Variants in EPB41L3 observed in about 807,000 individuals in gnomAD.
EPB41L3 encodes the protein erythrocyte membrane protein band 4.1 like 3.
A neutral mutation model predicts 127.1 loss-of-function variants in EPB41L3; 57 were observed. The observed-to-expected ratio is 0.45, with a 90% CI of 0.36 to 0.56. The LOEUF is 0.56. Ranked by LOEUF, EPB41L3 falls within the 20% of genes least tolerant of loss-of-function variation. The pLI, the probability that EPB41L3 is intolerant of heterozygous loss-of-function variation, is 0.00. For synonymous variants in EPB41L3, 572 were observed against 549.5 expected (o/e 1.04, Z -0.57); for missense variants, 1,273 against 1,372.2 (o/e 0.93, Z 1.14).
At chr18:5,407,670 G>T (rs1305393075) in intron 15 of EPB41L3, 31 bp downstream of exon 15, 1 of 1,610,666 alleles carries the variant, frequency 6.2e-7, no homozygotes, top group East Asian at 2.2e-5. Context: ...TTTTGTTGTT[G>T]TTGTTGTTTG....
chr18:5,436,519 C>T (rs2079850017), intron 6 of EPB41L3, among the ~76,000 whole-genome samples: 1 of 151,268 alleles, frequency 6.6e-6, no homozygotes, highest in South Asian at 2.1e-4. Flanking sequence ...CGCCATTCTC[C>T]TGCCTCAGCC....
chr18:5,550,668 C>T (rs1238772549), intron 3 of EPB41L3, among the ~76,000 whole-genome samples: 1 of 152,122 alleles, frequency 6.6e-6, no homozygotes, highest in African/African-American at 2.4e-5. Flanking sequence ...CCCCAGAAGG[C>T]TTCTTCTATC....
At position 5,433,575 on chromosome 18, in the gene EPB41L3, T is replaced by A. The variant is rs373632284; in HGVS notation, c.825-19A>T. The A allele has an allele frequency of 6.3e-7, 1 of 1,596,954 alleles. No individual in the cohort carries two copies. Among genetic ancestry groups the A allele is most frequent in the Non-Finnish European group, 8.6e-7 (1 of 1,169,186 alleles). ...CATTCCTCTGATGAGAAGAAAAATA[T>A]GTTACAATGATGCTTTTCCCTTCCC... On this transcript the variant is annotated intron_variant, in intron 7 of 22. Transcript: ENST00000341928.
At chr18:5,516,685 A>G (rs2092764169) in intron 1 of EPB41L3, among the ~76,000 whole-genome samples, 1 of 152,212 alleles carries the variant, frequency 6.6e-6, no homozygotes, top group Non-Finnish European at 1.5e-5. Context: ...AAAATAATTA[A>G]CAAGACAGAC....
At chr18:5,458,084 T>C (rs1040066860) in intron 3 of EPB41L3, among the ~76,000 whole-genome samples, 1 of 152,154 alleles carries the variant, frequency 6.6e-6, no homozygotes, top group African/African-American at 2.4e-5. Flanking sequence ...CTGGGGTTCA[T>C]TTCCTGCTTT....
intron 3 of EPB41L3, among the ~76,000 whole-genome samples, chr18:5,557,572 G>C (rs1022085097): frequency 1.3e-5 from 2 of 152,124 alleles, no homozygotes; most frequent in African/African-American, 2.4e-5. Context: ...TTTTAGTAGA[G>C]ATGGGGTTTC....
chr18:5,444,643 T>A (rs2081237623), intron 4 of EPB41L3, among the ~76,000 whole-genome samples: 1 of 152,154 alleles, frequency 6.6e-6, no homozygotes, highest in Non-Finnish European at 1.5e-5. Flanking sequence ...ACAATCCCCC[T>A]CATATTCTGA....
Position 5,493,114 on chromosome 18 carries a change from TGGCA to T in EPB41L3, c.-11-3924_-11-3921del, listed in dbSNP as rs1456305491. 2.0e-5 allele frequency among the ~76,000 whole-genome samples: 3 copies of T among 152,354 alleles called. No homozygotes were observed. The East Asian group carries it at 5.8e-4, about 29-fold the overall frequency. On this transcript the variant is annotated intron_variant, in intron 1 of 22. Coordinates refer to ENST00000341928, the MANE Select transcript of EPB41L3 (RefSeq NM_012307.5). ...TCCTCATCTTTTCCACTTTTAGAAG[TGGCA>T]GCTCTAAAATCTCCATCTCCTAACT...
chr18:5,491,958 C>T (rs1055518083), intron 1 of EPB41L3, among the ~76,000 whole-genome samples: 1 of 152,240 alleles, frequency 6.6e-6, no homozygotes, highest in South Asian at 2.1e-4. Flanking sequence ...TTCCTCTTCC[C>T]CACCCATATA....
rs974296525 is a variant in EPB41L3, at chr18:5,456,446, T to C, written c.382-11202A>G. Among the ~76,000 whole-genome samples the C allele has an allele frequency of 5.3e-5, 8 of 152,336 alleles. 1 individual carries two copies. Among genetic ancestry groups the C allele is most frequent in the Admixed American group, 4.6e-4 (7 of 15,304 alleles). ...TAAATTAAAATGATCTTATAATCTATGTAAGACCTGTAATGAAATGTAAAT... is the reference window on the plus strand; with the variant it reads ...TAAATTAAAATGATCTTATAATCTACGTAAGACCTGTAATGAAATGTAAAT... On this transcript the variant is annotated intron_variant, in intron 3 of 22. Coordinates refer to ENST00000341928, the MANE Select transcript of EPB41L3 (RefSeq NM_012307.5).
chr18:5,516,416 T>C (rs1429807116), intron 1 of EPB41L3, among the ~76,000 whole-genome samples: 2 of 152,240 alleles, frequency 1.3e-5, no homozygotes, highest in Non-Finnish European at 2.9e-5. Context: ...ATACTCATAC[T>C]GGTTCCTGAC....
chr18:5,543,602 G>GC lies in EPB41L3; in HGVS notation c.-12+310dup, dbSNP rs1441013568. ...CCCTTCGGCCAGGGATCCCAGGGAG[G>GC]CCCCCAGGCCGGAGGCCGGGGCTCA... On this transcript the variant is annotated intron_variant, in intron 1 of 22. Transcript: ENST00000341928. This position sits in a 1 kb window ranked among gnomAD's most constrained non-coding sequence, Gnocchi z 5.2. Among the ~76,000 whole-genome samples, 3 of 147,306 alleles carry GC rather than the reference G, an allele frequency of 2.0e-5. No homozygotes were observed. The East Asian group carries it at 6.0e-4, about 29-fold the overall frequency.
intron 1 of EPB41L3, among the ~76,000 whole-genome samples, chr18:5,518,967 G>T (rs540036598): frequency 6.6e-6 from 1 of 152,134 alleles, no homozygotes; most frequent in East Asian, 1.9e-4. Context: ...GTCTGAATCC[G>T]TCTGTTTGGC....
At chr18:5,499,829 G>GTGTGTGTGTATATATATATATATATA (rs563662904) in intron 1 of EPB41L3, among the ~76,000 whole-genome samples, 1 of 124,616 alleles carries the variant, frequency 8.0e-6, no homozygotes, top group African/African-American at 3.1e-5. Context: ...CTATGTGTGT[G>GTGTGTGTGTATATATATATATATATA]TATATATATA....
At chr18:5,499,085 C>A (rs1437164196) in intron 1 of EPB41L3, among the ~76,000 whole-genome samples, 1 of 149,964 alleles carries the variant, frequency 6.7e-6, no homozygotes, top group East Asian at 1.9e-4. Flanking sequence ...CGCCTGAGAA[C>A]ATAAAGGAAG....
intron 22 of EPB41L3, chr18:5,393,736 A>G (rs2072792675): frequency 2.7e-6 from 1 of 374,770 alleles, no homozygotes; most frequent in Non-Finnish European, 4.7e-6. Flanking sequence ...TTTGAGTAAA[A>G]TGAGTATTTT....
chr18:5,478,309 T>C lies in EPB41L3; in HGVS notation c.313A>G (p.Lys105Glu). The C allele has an allele frequency of 1.2e-6, 2 of 1,614,200 alleles. No homozygotes were observed. The highest frequency in any genetic ancestry group is 1.7e-6 in the Non-Finnish European group (2 of 1,180,012). ...KLSRSPLKIV[K>E]KPKSMQCKVI... is the part of the protein sequence containing the mutation. ...TTGCACTGCATGCTTTTAGGCTTTT[T>C]GACAATCTTTAATGGAGACCGAGAG... Residue 105 changes from lysine to glutamate, a missense_variant, in exon 3 of 23, where the codon AAA (lysine) becomes GAA (glutamate). By Grantham distance (56) the Lys-to-Glu change is moderately conservative (BLOSUM62 1). This residue lies in a region of EPB41L3 where 182 missense variants were observed against 149.2 expected (regional missense o/e 1.22). Coordinates refer to ENST00000341928, the MANE Select transcript of EPB41L3 (RefSeq NM_012307.5).
At chr18:5,411,236 GCGT>G (rs2076156506) in intron 13 of EPB41L3, among the ~76,000 whole-genome samples, 3 of 152,108 alleles carry the variant, frequency 2.0e-5, no homozygotes, top group African/African-American at 4.8e-5. Context: ...TTTTCAAGTA[GCGT>G]CGCTAACTAG....
At chr18:5,507,391 T>C (rs1486715975) in intron 1 of EPB41L3, among the ~76,000 whole-genome samples, 2 of 152,262 alleles carry the variant, frequency 1.3e-5, no homozygotes, top group East Asian at 1.9e-4. Flanking sequence ...CAAAAACACA[T>C]TAAGATATTC....
Sources: gnomAD v4.1 joint callset for allele counts (sites outside exome capture counted in the v4.1 genomes callset) on GRCh38, gnomAD v4.1.1 for gene constraint, gnomAD v4.1.1 regional missense constraint, Gnocchi (gnomAD v3.1) non-coding constraint, MANE v1.5 for transcripts, NCBI Gene and HGNC (gene_info 2026-07-23, HGNC 2026-07-21) for gene names.